The following ANKS1B variants were observed in gnomAD, a reference collection of about 807,000 sequenced individuals.
ANKS1B encodes ankyrin repeat and sterile alpha motif domain containing 1B.
ANKS1B carries 36 observed loss-of-function variants against 148.3 expected under a neutral mutation model. That is an observed-to-expected ratio of 0.24 (90% CI 0.19 to 0.32). The LOEUF (loss-of-function observed/expected upper bound fraction) is 0.32. Ranked by LOEUF, ANKS1B falls within the 10% of genes least tolerant of loss-of-function variation. The pLI is 1.00. For missense variants in ANKS1B, 1,157 were observed against 1,542.6 expected (o/e 0.75, Z 4.19); for synonymous variants, 542 against 560.8 (o/e 0.97, Z 0.47).
chr12:99,205,854 G>A (rs1306365219), intron 14 of ANKS1B, among the ~76,000 whole-genome samples: 4 of 152,270 alleles, frequency 2.6e-5, no homozygotes, highest in South Asian at 4.1e-4. Flanking sequence ...TCCAAAATTC[G>A]TAGAGATTTG....
intron 17 of ANKS1B, among the ~76,000 whole-genome samples, chr12:98,918,198 AC>A (rs2099796973): frequency 6.6e-6 from 1 of 152,292 alleles, no homozygotes; most frequent in African/African-American, 2.4e-5. Context: ...CAGGCCCTTC[AC>A]GGAGGTTAGT....
At chr12:99,401,111 G>A (rs1238600316) in intron 11 of ANKS1B, among the ~76,000 whole-genome samples, 1 of 146,012 alleles carries the variant, frequency 6.8e-6, no homozygotes, top group Non-Finnish European at 1.5e-5. Context: ...GCAAGAGAGT[G>A]CAAGTCATTT....
At chr12:99,563,562 C>T (rs1018253894) in intron 9 of ANKS1B, among the ~76,000 whole-genome samples, 1 of 152,042 alleles carries the variant, frequency 6.6e-6, no homozygotes, top group African/African-American at 2.4e-5. Context: ...TTGTGTCACC[C>T]CAAAACAATT....
At chr12:98,977,172 T>C (rs1190470900) in intron 17 of ANKS1B, among the ~76,000 whole-genome samples, 1 of 152,216 alleles carries the variant, frequency 6.6e-6, no homozygotes, top group Non-Finnish European at 1.5e-5. Flanking sequence ...AAGGCTGAGG[T>C]TGAAAGTGAA....
chr12:99,805,075 C>A (rs1226069755), intron 4 of ANKS1B, among the ~76,000 whole-genome samples: 1 of 151,842 alleles, frequency 6.6e-6, no homozygotes, highest in Non-Finnish European at 1.5e-5. Flanking sequence ...TTGCCAATCA[C>A]AGAATTATGA....
intron 12 of ANKS1B, among the ~76,000 whole-genome samples, chr12:99,344,077 A>G (rs2090316990): frequency 6.6e-6 from 1 of 151,990 alleles, no homozygotes; most frequent in Non-Finnish European, 1.5e-5. Flanking sequence ...CTGTTCCAGC[A>G]CATAGCATTA....
intron 9 of ANKS1B, chr12:99,648,222 C>T (rs779288295): frequency 2.2e-5 from 35 of 1,613,992 alleles, no homozygotes; most frequent in South Asian, 3.3e-5. Context: ...AAAGCAGCCC[C>T]GCAATGGGCA....
chr12:98,987,011 A>G (rs2099923860), intron 17 of ANKS1B, among the ~76,000 whole-genome samples: 1 of 151,964 alleles, frequency 6.6e-6, no homozygotes, highest in South Asian at 2.1e-4. Context: ...TGATGTTTTT[A>G]TCCTTTGAAA....
chr12:98,846,363 GGT>G (rs779150934), intron 17 of ANKS1B, among the ~76,000 whole-genome samples: 1 of 152,218 alleles, frequency 6.6e-6, no homozygotes, highest in Non-Finnish European at 1.5e-5. Flanking sequence ...TTTGGGGGAA[GGT>G]GCAAACTCTT....
intron 17 of ANKS1B, among the ~76,000 whole-genome samples, chr12:98,888,969 G>A (rs961200578): frequency 6.6e-6 from 1 of 152,178 alleles, no homozygotes; most frequent in Non-Finnish European, 1.5e-5. Context: ...CCAGAAGATA[G>A]CAGACACTTA....
At chr12:99,983,803 C>A (rs761214621) in intron 1 of ANKS1B, among the ~76,000 whole-genome samples, 1 of 152,024 alleles carries the variant, frequency 6.6e-6, no homozygotes, top group Non-Finnish European at 1.5e-5. Context: ...GGAAAGCGGG[C>A]GGAACGTCGA....
At chr12:99,141,205 C>T (rs2070620417) in intron 15 of ANKS1B, among the ~76,000 whole-genome samples, 1 of 152,116 alleles carries the variant, frequency 6.6e-6, no homozygotes, top group African/African-American at 2.4e-5. Context: ...TTCCCTTTGC[C>T]CCACAAGTCA....
In ANKS1B at chr12:99,288,676, GGTTAA is replaced by G. The variant is rs1469996068; in HGVS notation, c.1757-41817_1757-41813del. On this transcript the variant is annotated intron_variant, in intron 12 of 26. Coordinates refer to ENST00000683438, the MANE Select transcript of ANKS1B (RefSeq NM_001352186.2). ...TTTGTTAATTTGTTTTTGCAGTCAG[GGTTAA>G]GTTGTCATCAGTTTAATGTAATGGG... Among the ~76,000 whole-genome samples the G allele has an allele frequency of 1.3e-5, 2 of 151,854 alleles. 1 individual carries two copies. The highest frequency in any genetic ancestry group is 2.9e-5 in the Non-Finnish European group (2 of 67,906).
chr12:99,447,234 A>G (rs540874031), intron 10 of ANKS1B, among the ~76,000 whole-genome samples: 2 of 152,182 alleles, frequency 1.3e-5, no homozygotes, highest in East Asian at 3.9e-4. Context: ...AGCCTCTTCA[A>G]TAATGGCATT....
intron 8 of ANKS1B, among the ~76,000 whole-genome samples, chr12:99,703,803 C>A (rs1044635160): frequency 6.6e-6 from 1 of 152,056 alleles, no homozygotes; most frequent in African/African-American, 2.4e-5. Flanking sequence ...CAGTGCCTAG[C>A]GCAAAGCCTG....
Position 99,116,800 on chromosome 12 carries a change from A to G in ANKS1B, c.2527-31777T>C, listed in dbSNP as rs573057838. Among the ~76,000 whole-genome samples, 3 of 152,110 alleles carry G rather than the reference A, an allele frequency of 2.0e-5. No individual in the cohort carries two copies. In the South Asian group the frequency reaches 6.2e-4, roughly 32 times the overall value. On this transcript the variant is annotated intron_variant, in intron 15 of 26. Coordinates refer to ENST00000683438, the MANE Select transcript of ANKS1B (RefSeq NM_001352186.2). ...ATAAATTACTTTGAGCCATATAGTC[A>G]TTTTCACTATATTGATTCTTCCTCT... is the stretch of plus-strand genomic sequence containing the variant.
chr12:99,324,115 T>C (rs1380780634), intron 12 of ANKS1B, among the ~76,000 whole-genome samples: 1 of 152,178 alleles, frequency 6.6e-6, no homozygotes, highest in Non-Finnish European at 1.5e-5. Context: ...ACCAAGTTAA[T>C]GAGCTATTTA....
At chr12:99,632,122 T>C (rs989200846) in intron 9 of ANKS1B, among the ~76,000 whole-genome samples, 5 of 152,156 alleles carry the variant, frequency 3.3e-5, no homozygotes, top group African/African-American at 4.8e-5. Context: ...CACCCTTGCA[T>C]GGTGCTCCAT....
chr12:99,917,087 T>C (rs2094194040), intron 1 of ANKS1B, among the ~76,000 whole-genome samples: 2 of 152,154 alleles, frequency 1.3e-5, no homozygotes, highest in Admixed American at 1.3e-4. Context: ...GCTTCATAAC[T>C]TTACATGAAG....
Sources: gnomAD v4.1 joint callset for allele counts (sites outside exome capture counted in the v4.1 genomes callset) on GRCh38, gnomAD v4.1.1 for gene constraint, MANE v1.5 for transcripts, NCBI Gene and HGNC (gene_info 2026-07-23, HGNC 2026-07-21) for gene names.